The following TTC28 variants were observed in gnomAD, a reference collection of about 807,000 sequenced individuals.
The protein encoded by TTC28 is tetratricopeptide repeat protein 28.
In TTC28, 61 loss-of-function variants were observed where a neutral mutation model predicts 198.0. The observed-to-expected ratio is 0.31, with a 90% confidence interval of 0.25 to 0.38. The LOEUF (loss-of-function observed/expected upper bound fraction) is 0.38. Among genes scored for constraint, TTC28 ranks in the 10% least tolerant of loss-of-function variants. TTC28 has a pLI of 1.00. For missense variants in TTC28, 2,678 were observed against 3,164.0 expected, an observed-to-expected ratio of 0.85 and a Z score of 3.69; for synonymous variants, 1,171 against 1,297.8, an observed-to-expected ratio of 0.90 and a Z score of 2.10.
At chr22:28,320,794 C>T (rs1333494614) in intron 2 of TTC28, among the ~76,000 whole-genome samples, 1 of 152,170 alleles carries the variant, frequency 6.6e-6, no homozygotes, top group Non-Finnish European at 1.5e-5. Context: ...ACCTCTGATT[C>T]TGGGTTCCAA....
chr22:28,396,235 T>C (rs1257123362), intron 2 of TTC28, among the ~76,000 whole-genome samples: 2 of 152,206 alleles, frequency 1.3e-5, no homozygotes, highest in Admixed American at 6.5e-5. Context: ...TTCCAGGAAC[T>C]GGCAGAAGAG....
At chr22:28,405,632 T>C (rs2046987841) in intron 2 of TTC28, among the ~76,000 whole-genome samples, 1 of 152,210 alleles carries the variant, frequency 6.6e-6, no homozygotes, top group Non-Finnish European at 1.5e-5. Context: ...TTCTGTGAAT[T>C]TCTCTGGGAA....
intron 2 of TTC28, among the ~76,000 whole-genome samples, chr22:28,386,620 T>A (rs2046601637): frequency 6.6e-6 from 1 of 152,100 alleles, no homozygotes; most frequent in South Asian, 2.1e-4. Flanking sequence ...ATACTATGAC[T>A]CCATAGGGTC....
intron 2 of TTC28, among the ~76,000 whole-genome samples, chr22:28,475,832 T>C (rs2048156910): frequency 2.0e-5 from 3 of 152,174 alleles, no homozygotes; most frequent in South Asian, 2.1e-4. Flanking sequence ...CCAAAAACCA[T>C]AGTGTACAGG....
At chr22:28,557,300 CTTACA>C (rs1428298653) in intron 2 of TTC28, among the ~76,000 whole-genome samples, 1 of 152,180 alleles carries the variant, frequency 6.6e-6, no homozygotes, top group Non-Finnish European at 1.5e-5. Flanking sequence ...TGACTAGAGA[CTTACA>C]TTAAACCTTC....
At chr22:28,179,946 A>G (rs1923541878) in intron 5 of TTC28, among the ~76,000 whole-genome samples, 1 of 152,212 alleles carries the variant, frequency 6.6e-6, no homozygotes, top group Non-Finnish European at 1.5e-5. Flanking sequence ...TTTTTATAGA[A>G]AAAACAAATT....
At chr22:28,036,747 AT>A (rs1321382581) in intron 12 of TTC28, among the ~76,000 whole-genome samples, 1 of 152,196 alleles carries the variant, frequency 6.6e-6, no homozygotes, top group Non-Finnish European at 1.5e-5. Context: ...TTTTGGAAGG[AT>A]CAACAAAATT....
chr22:28,522,217 GT>G (rs1189726114), intron 2 of TTC28, among the ~76,000 whole-genome samples: 1 of 152,174 alleles, frequency 6.6e-6, no homozygotes, highest in African/African-American at 2.4e-5. Flanking sequence ...GCTGGGTGCG[GT>G]GGCTCACGCC....
chr22:28,593,951 A>T (rs1159930082), intron 2 of TTC28, among the ~76,000 whole-genome samples: 1 of 152,114 alleles, frequency 6.6e-6, no homozygotes, highest in African/African-American at 2.4e-5. Context: ...AAAATCAGCT[A>T]TAGAGCTATG....
intron 6 of TTC28, among the ~76,000 whole-genome samples, chr22:28,157,762 C>T (rs1943781997): frequency 6.6e-6 from 1 of 152,000 alleles, no homozygotes; most frequent in Non-Finnish European, 1.5e-5. Context: ...AAGGAATATA[C>T]CTCAACATAA....
chr22:28,164,351 G>C (rs1370710707), intron 5 of TTC28, among the ~76,000 whole-genome samples: 1 of 152,202 alleles, frequency 6.6e-6, no homozygotes, highest in Non-Finnish European at 1.5e-5. Flanking sequence ...GCCTCCTCAA[G>C]TGGGTCTCTG....
At chr22:28,469,565 G>C in intron 2 of TTC28, among the ~76,000 whole-genome samples, 1 of 152,180 alleles carries the variant, frequency 6.6e-6, no homozygotes. Context: ...GAGGCAGAGG[G>C]AGATTTTACT....
At chr22:28,166,310 T>C (rs1381324378) in intron 5 of TTC28, among the ~76,000 whole-genome samples, 1 of 152,190 alleles carries the variant, frequency 6.6e-6, no homozygotes, top group East Asian at 1.9e-4. Flanking sequence ...AACTCAGCTC[T>C]GCACCAAGCG....
chr22:28,157,441 T>C (rs1943773661), intron 6 of TTC28, among the ~76,000 whole-genome samples: 1 of 152,226 alleles, frequency 6.6e-6, no homozygotes, highest in Non-Finnish European at 1.5e-5. Flanking sequence ...AAATTCATTC[T>C]ATGAGGCCAG....
At chr22:28,543,094 G>A (rs960965485) in intron 2 of TTC28, among the ~76,000 whole-genome samples, 1 of 152,088 alleles carries the variant, frequency 6.6e-6, no homozygotes, top group African/African-American at 2.4e-5. Flanking sequence ...CAGCACTTTG[G>A]GAGGCCAAGT....
chr22:28,037,035 A>C (rs933688992), intron 12 of TTC28, among the ~76,000 whole-genome samples: 6 of 152,210 alleles, frequency 3.9e-5, no homozygotes, highest in African/African-American at 1.4e-4. Flanking sequence ...ATAGCTTACC[A>C]ACCAAAAAAA....
chr22:28,245,848 A>G (rs1396695082), intron 5 of TTC28, among the ~76,000 whole-genome samples: 1 of 152,146 alleles, frequency 6.6e-6, no homozygotes, highest in Admixed American at 6.5e-5. Context: ...CTCCTTTCCA[A>G]TCTTAGCCCC....
At chr22:28,282,775 T>C (rs1330459813) in intron 5 of TTC28, among the ~76,000 whole-genome samples, 1 of 152,128 alleles carries the variant, frequency 6.6e-6, no homozygotes, top group Non-Finnish European at 1.5e-5. Flanking sequence ...TACAAAATGT[T>C]ATGACTGAAA....
At chr22:28,353,625 T>G (rs1423884669) in intron 2 of TTC28, among the ~76,000 whole-genome samples, 2 of 152,062 alleles carry the variant, frequency 1.3e-5, no homozygotes, top group Non-Finnish European at 2.9e-5. Context: ...CAAAAAATGG[T>G]ACTAAAAAAC....
Sources: gnomAD v4.1 joint callset for allele counts (sites outside exome capture counted in the v4.1 genomes callset) on GRCh38, gnomAD v4.1.1 for gene constraint, MANE v1.5 for transcripts, NCBI Gene and HGNC (gene_info 2026-07-23, HGNC 2026-07-21) for gene names.